The following SGCZ variants were observed in gnomAD, a reference collection of about 807,000 sequenced individuals.
SGCZ encodes the protein zeta-sarcoglycan.
Under a neutral mutation model 41.3 loss-of-function variants are expected in SGCZ, and 40 were observed. The ratio of observed to expected loss-of-function variants is 0.97; its 90% CI spans 0.75 to 1.26. The LOEUF is 1.26. Ranked by LOEUF, SGCZ falls within the 50% of genes most tolerant of loss-of-function variation. The pLI is 0.00. For synonymous variants in SGCZ, 206 were observed against 137.5 expected (o/e 1.50, Z -3.49); for missense variants, 552 against 369.8 (o/e 1.49, Z -4.04).
chr8:15,199,412 T>C (rs1217580368), intron 1 of SGCZ, among the ~76,000 whole-genome samples: 1 of 152,218 alleles, frequency 6.6e-6, no homozygotes, highest in Non-Finnish European at 1.5e-5. Flanking sequence ...TTTAATTTTT[T>C]AATGTTTTAA....
intron 2 of SGCZ, among the ~76,000 whole-genome samples, chr8:14,488,844 T>A (rs1229765208): frequency 6.6e-6 from 1 of 152,160 alleles, no homozygotes; most frequent in African/African-American, 2.4e-5. Context: ...TTTCCCCACC[T>A]CTTTAACACC....
At chr8:14,828,275 G>A (rs559775735) in intron 1 of SGCZ, among the ~76,000 whole-genome samples, 2 of 152,234 alleles carry the variant, frequency 1.3e-5, no homozygotes, top group East Asian at 3.9e-4. Context: ...AAGCCTGCAG[G>A]AACAAATGAT....
intron 1 of SGCZ, among the ~76,000 whole-genome samples, chr8:15,010,998 A>G (rs1402997682): frequency 6.6e-6 from 1 of 152,196 alleles, no homozygotes; most frequent in Admixed American, 6.5e-5. Context: ...CAGGTATGTT[A>G]TCTATTAATG....
intron 1 of SGCZ, among the ~76,000 whole-genome samples, chr8:14,894,846 T>G (rs1395719651): frequency 1.3e-5 from 2 of 152,168 alleles, no homozygotes; most frequent in Non-Finnish European, 2.9e-5. Context: ...AGCAAGTTAC[T>G]TCTCCTCAGA....
At chr8:15,110,710 T>C (rs1215291031) in intron 1 of SGCZ, among the ~76,000 whole-genome samples, 1 of 152,214 alleles carries the variant, frequency 6.6e-6, no homozygotes, top group Non-Finnish European at 1.5e-5. Flanking sequence ...GGCTCACTCC[T>C]GTAATCCCAG....
chr8:14,530,159 C>G (rs1030399403), intron 2 of SGCZ, among the ~76,000 whole-genome samples: 1 of 151,858 alleles, frequency 6.6e-6, no homozygotes, highest in Non-Finnish European at 1.5e-5. Flanking sequence ...CATCTGAACT[C>G]TCAGTAAAAT....
intron 1 of SGCZ, among the ~76,000 whole-genome samples, chr8:15,168,567 G>T (rs1353987701): frequency 6.6e-6 from 1 of 151,842 alleles, no homozygotes. Flanking sequence ...GGAAGACGGA[G>T]AGAAGACGCT....
At position 14,538,649 on chromosome 8, in the gene SGCZ, C is replaced by T. The variant is rs1027681601; in HGVS notation, c.234+16083G>A. On this transcript the variant is annotated intron_variant, in intron 2 of 7. Transcript: ENST00000382080. ...TTAAGCATAACACAATAAGGCCTTT[C>T]TTGTAAAAGCAAAAGCATCTACCAG... Among the ~76,000 whole-genome samples the T allele has an allele frequency of 1.6e-4, 24 of 152,062 alleles. No individual in the cohort carries two copies. The East Asian group carries it at 4.3e-3, about 27-fold the overall frequency.
chr8:14,652,345 AAG>A (rs1491399831), intron 1 of SGCZ, among the ~76,000 whole-genome samples: 15 of 4,444 alleles, frequency 3.4e-3, no homozygotes, highest in East Asian at 0.016. Flanking sequence ...AAAAAAAAAA[AAG>A]GGGGGGGTGT....
intron 1 of SGCZ, among the ~76,000 whole-genome samples, chr8:15,021,711 A>T (rs1343553024): frequency 6.6e-6 from 1 of 152,170 alleles, no homozygotes; most frequent in Non-Finnish European, 1.5e-5. Context: ...ACTTCCATTG[A>T]TTAGGATTTA....
intron 1 of SGCZ, among the ~76,000 whole-genome samples, chr8:15,206,005 T>G (rs565450360): frequency 9.6e-4 from 146 of 152,098 alleles, no homozygotes; most frequent in Non-Finnish European, 1.8e-3. Context: ...AAATATTGCA[T>G]GTTCTTACTG....
intron 1 of SGCZ, among the ~76,000 whole-genome samples, chr8:15,173,927 T>C (rs552861366): frequency 1.3e-5 from 2 of 152,268 alleles, no homozygotes; most frequent in South Asian, 2.1e-4. Context: ...AAAGTCTCAC[T>C]ACATTACTGG....
chr8:14,192,225 A>G (rs2117049317), intron 4 of SGCZ, among the ~76,000 whole-genome samples: 1 of 152,104 alleles, frequency 6.6e-6, no homozygotes, highest in East Asian at 1.9e-4. Context: ...TTTATTTAGC[A>G]ATTATTATGC....
At chr8:14,657,700 T>C (rs1340610337) in intron 1 of SGCZ, among the ~76,000 whole-genome samples, 2 of 152,162 alleles carry the variant, frequency 1.3e-5, no homozygotes, top group Non-Finnish European at 2.9e-5. Context: ...GTCTCTCTGT[T>C]GTCAACACAT....
At chr8:14,471,553 T>C (rs1175201752) in intron 2 of SGCZ, among the ~76,000 whole-genome samples, 1 of 152,078 alleles carries the variant, frequency 6.6e-6, no homozygotes, top group African/African-American at 2.4e-5. Context: ...CCCATATGAA[T>C]TTCCTCAAAT....
intron 1 of SGCZ, among the ~76,000 whole-genome samples, chr8:14,663,619 C>T (rs928631579): frequency 1.8e-4 from 27 of 152,142 alleles, no homozygotes; most frequent in African/African-American, 6.3e-4. Context: ...GCATTTAGAC[C>T]AGCACCTGGA....
At chr8:15,185,948 G>T (rs574683177) in intron 1 of SGCZ, among the ~76,000 whole-genome samples, 33 of 149,812 alleles carry the variant, frequency 2.2e-4, no homozygotes, top group Non-Finnish European at 4.2e-4. Flanking sequence ...CTCTCGGCTG[G>T]GCGCGGTGGC....
chr8:14,467,792 C>T (rs7815396), intron 2 of SGCZ, among the ~76,000 whole-genome samples: 40,450 of 151,916 alleles, frequency 0.27, 5,482 homozygotes, highest in Admixed American at 0.3. Flanking sequence ...TTACATCATA[C>T]TGTAATAGTA....
At chr8:14,878,627 A>C (rs1460012345) in intron 1 of SGCZ, among the ~76,000 whole-genome samples, 2 of 152,316 alleles carry the variant, frequency 1.3e-5, no homozygotes, top group East Asian at 3.9e-4. Context: ...AAACGTATGC[A>C]TATGGAATGA....
Sources: gnomAD v4.1 joint callset for allele counts (sites outside exome capture counted in the v4.1 genomes callset) on GRCh38, gnomAD v4.1.1 for gene constraint, MANE v1.5 for transcripts, NCBI Gene and HGNC (gene_info 2026-07-23, HGNC 2026-07-21) for gene names.